Variants in HSPA12A observed in about 807,000 individuals in gnomAD.
The protein encoded by HSPA12A is heat shock protein family A (Hsp70) member 12A.
In HSPA12A, 28 loss-of-function variants were observed where a neutral mutation model predicts 69.2. The ratio of observed to expected loss-of-function variants is 0.40; its 90% CI spans 0.30 to 0.55. The LOEUF (loss-of-function observed/expected upper bound fraction) is 0.55, where lower values mean the gene tolerates loss of function less well. HSPA12A is among the 20% of genes least tolerant of loss of function. The probability of loss-of-function intolerance (pLI) is 0.38; values close to 1 mark genes in which losing one functional copy is unlikely to be tolerated. For synonymous variants in HSPA12A, 345 were observed against 370.5 expected (o/e 0.93, Z 0.79); for missense variants, 686 against 900.7 (o/e 0.76, Z 3.05).
At chr10:116,808,173 G>A (rs939523645) in intron 2 of HSPA12A, among the ~76,000 whole-genome samples, 3 of 152,122 alleles carry the variant, frequency 2.0e-5, no homozygotes, top group Admixed American at 6.5e-5. Flanking sequence ...AGAGTTTGGC[G>A]AAGGGGCCTT....
rs116662425 is a variant in HSPA12A, at chr10:116,739,279, C to T, written c.40+3151G>A. On this transcript the variant is annotated intron_variant, in intron 1 of 11. Coordinates refer to ENST00000369209, the MANE Select transcript of HSPA12A (RefSeq NM_025015.3). Reference sequence around the variant, plus strand: ...CCTCTGTGAAATGGGGATCACAGGGCGTCCTTCATAGTCATTCATTCAACA... The same window carrying T: ...CCTCTGTGAAATGGGGATCACAGGGTGTCCTTCATAGTCATTCATTCAACA... 5.6e-3 allele frequency among the ~76,000 whole-genome samples: 854 copies of T among 152,308 alleles called. 11 individuals are homozygous for T. The highest frequency in any genetic ancestry group is 0.019 in the African/African-American group (810 of 41,552).
At chr10:116,733,438 T>C (rs901458510) in intron 1 of HSPA12A, among the ~76,000 whole-genome samples, 3 of 152,114 alleles carry the variant, frequency 2.0e-5, no homozygotes, top group Admixed American at 1.3e-4. Flanking sequence ...GAGAAACCAA[T>C]AAGATCACGA....
intron 2 of HSPA12A, chr10:116,829,182 A>G (rs1564833637): frequency 6.6e-6 from 1 of 152,230 alleles, no homozygotes; most frequent in Non-Finnish European, 1.5e-5. Context: ...ATGGTAGTGA[A>G]TAAGTCTCAT....
chr10:116,843,952 G>A (rs1490402477), intron 1 of HSPA12A, among the ~76,000 whole-genome samples: 1 of 152,122 alleles, frequency 6.6e-6, no homozygotes, highest in Non-Finnish European at 1.5e-5. Context: ...TCTAATGTGT[G>A]GCTCAGCCCA....
At chr10:116,722,187 C>T (rs1220046840) in intron 1 of HSPA12A, among the ~76,000 whole-genome samples, 4 of 152,322 alleles carry the variant, frequency 2.6e-5, no homozygotes, top group Admixed American at 6.5e-5. Flanking sequence ...AATCAATCAG[C>T]GGCCATCTCC....
chr10:116,844,760 T>C (rs917474109), intron 1 of HSPA12A, among the ~76,000 whole-genome samples: 10 of 152,184 alleles, frequency 6.6e-5, no homozygotes, highest in Admixed American at 4.6e-4. Flanking sequence ...AAGCACTTGA[T>C]AGCAACCCCA....
intron 10 of HSPA12A, 50 bp downstream of exon 10, chr10:116,679,453 C>G (rs369761934): frequency 3.1e-6 from 5 of 1,599,952 alleles, no homozygotes; most frequent in Non-Finnish European, 2.6e-6. Flanking sequence ...CCCATCAGCA[C>G]GATCCACCCG....
intron 1 of HSPA12A, among the ~76,000 whole-genome samples, chr10:116,719,134 T>G (rs1850697374): frequency 6.6e-6 from 1 of 152,112 alleles, no homozygotes; most frequent in East Asian, 1.9e-4. Context: ...AACCCCAATT[T>G]TTACATTTGG....
chr10:116,802,669 C>A (rs551378013), intron 2 of HSPA12A, among the ~76,000 whole-genome samples: 1 of 152,334 alleles, frequency 6.6e-6, no homozygotes, highest in East Asian at 1.9e-4. Flanking sequence ...CCAGGAAAGT[C>A]ACCGGGGCCA....
Position 116,682,867 on chromosome 10 carries a change from A to AT in HSPA12A, c.835+923dup, listed in dbSNP as rs60393392. ...AGGCACCCGCCACCTCGCCCGGCTA[A>AT]TTTTTTTTTTTTTTTTTTTTTGTAT... On this transcript the variant is annotated intron_variant, in intron 7 of 11. Transcript: ENST00000369209. Among the ~76,000 whole-genome samples, 184 of 117,676 alleles carry AT rather than the reference A, an allele frequency of 1.6e-3. 2 individuals carry two copies. Among genetic ancestry groups the AT allele is most frequent in the African/African-American group, 3.5e-3 (99 of 28,690 alleles). 77.2% of individuals were successfully genotyped at this position (117,676 alleles called of 152,430 possible). A position where few individuals can be genotyped will look rare whatever the true frequency, so the allele number is the denominator to read the frequency against.
intron 1 of HSPA12A, among the ~76,000 whole-genome samples, chr10:116,725,115 G>A (rs782504726): frequency 1.3e-5 from 2 of 152,202 alleles, no homozygotes; most frequent in African/African-American, 4.8e-5. Context: ...GCCTTACAGA[G>A]AAAACACAGT....
intron 1 of HSPA12A, among the ~76,000 whole-genome samples, chr10:116,728,110 T>C (rs1162217693): frequency 1.3e-5 from 2 of 151,700 alleles, no homozygotes; most frequent in Non-Finnish European, 2.9e-5. Context: ...GCTTGGCCAA[T>C]TTTTGTATTT....
rs942032706 is a variant in HSPA12A at position 116,691,438 on chromosome 10, G to T, written c.663+913C>A. Among the ~76,000 whole-genome samples, 5 of 152,144 alleles carry T rather than the reference G, an allele frequency of 3.3e-5. No homozygotes were observed. In the South Asian group the frequency reaches 1.0e-3, roughly 32 times the overall value. ...CAGAGGTACGTCTCCTGGGAAAGGT[G>T]GGCAGGATGCTTCCTGAGAGTCATG... On this transcript the variant is annotated intron_variant, in intron 6 of 11. Coordinates refer to ENST00000369209, the MANE Select transcript of HSPA12A (RefSeq NM_025015.3).
chr10:116,690,728 C>G (rs934519657), intron 6 of HSPA12A, among the ~76,000 whole-genome samples: 4 of 152,110 alleles, frequency 2.6e-5, no homozygotes, highest in African/African-American at 9.7e-5. Context: ...CCCCACACCT[C>G]TTGTCCCACC....
intron 2 of HSPA12A, among the ~76,000 whole-genome samples, chr10:116,817,923 T>C (rs958070378): frequency 4.5e-4 from 68 of 152,306 alleles, no homozygotes; most frequent in African/African-American, 1.5e-3. Context: ...TCCTGGATCA[T>C]TCGCCACCTC....
intron 2 of HSPA12A, among the ~76,000 whole-genome samples, chr10:116,812,292 A>C (rs767999542): frequency 6.6e-6 from 1 of 151,880 alleles, no homozygotes; most frequent in African/African-American, 2.4e-5. Flanking sequence ...ATCTGTATTA[A>C]AAATACAAAA....
intron 6 of HSPA12A, 122 bp downstream of exon 6, chr10:116,692,229 T>A: frequency 2.8e-6 from 2 of 717,860 alleles, no homozygotes; most frequent in Non-Finnish European, 4.7e-6. Flanking sequence ...TAGGGGAGCC[T>A]CCTTGCTGCC....
intron 2 of HSPA12A, among the ~76,000 whole-genome samples, chr10:116,762,459 G>C (rs1441734234): frequency 2.0e-5 from 3 of 152,086 alleles, no homozygotes; most frequent in Non-Finnish European, 4.4e-5. Context: ...TGGCCATGCT[G>C]TGGGTCCAGC....
At chr10:116,724,570 G>A (rs1554884763) in intron 1 of HSPA12A, among the ~76,000 whole-genome samples, 1 of 152,132 alleles carries the variant, frequency 6.6e-6, no homozygotes, top group Non-Finnish European at 1.5e-5. Context: ...CCACCAAGGG[G>A]TTAACAGGGG....
Sources: allele counts gnomAD v4.1 joint callset (sites outside exome capture counted in the v4.1 genomes callset), GRCh38; gene constraint gnomAD v4.1.1; transcripts MANE v1.5; gene names NCBI Gene and HGNC (gene_info 2026-07-23, HGNC 2026-07-21).